Variants in ESRRG observed in about 807,000 individuals in gnomAD.
ESRRG encodes the protein estrogen-related receptor gamma.
In ESRRG, 13 loss-of-function variants were observed where a neutral mutation model predicts 44.0. The ratio of observed to expected loss-of-function variants is 0.30; its 90% CI spans 0.19 to 0.47. The LOEUF is 0.47. Among genes scored for constraint, ESRRG ranks in the 20% least tolerant of loss-of-function variants. The pLI, the probability that ESRRG is intolerant of heterozygous loss-of-function variation, is 1.00. For synonymous variants in ESRRG, 215 were observed against 214.6 expected (o/e 1.00, Z -0.02); for missense variants, 395 against 580.6 (o/e 0.68, Z 3.29).
At chr1:216,542,619 C>T (rs1416750846) in intron 5 of ESRRG, among the ~76,000 whole-genome samples, 1 of 151,976 alleles carries the variant, frequency 6.6e-6, no homozygotes, top group Non-Finnish European at 1.5e-5. Flanking sequence ...TCCTTCAAAA[C>T]TTTTTTTAAA....
intron 5 of ESRRG, among the ~76,000 whole-genome samples, chr1:216,558,748 T>G (rs1000386171): frequency 1.6e-4 from 25 of 152,322 alleles, no homozygotes; most frequent in African/African-American, 5.5e-4. Context: ...GATTTTACTT[T>G]CAGAATCATT....
intron 1 of ESRRG, among the ~76,000 whole-genome samples, chr1:216,952,920 A>G (rs1292658152): frequency 6.6e-6 from 1 of 152,002 alleles, no homozygotes; most frequent in Non-Finnish European, 1.5e-5. Flanking sequence ...ACTTCCACGA[A>G]TTCAACTGCT....
intron 1 of ESRRG, among the ~76,000 whole-genome samples, chr1:217,074,570 G>T (rs1369748019): frequency 6.6e-6 from 1 of 151,908 alleles, no homozygotes; most frequent in Non-Finnish European, 1.5e-5. Context: ...AGGTGCAGTG[G>T]CTCATGCCTG....
chr1:216,736,924 C>T (rs1165267716), intron 2 of ESRRG, among the ~76,000 whole-genome samples: 10 of 152,134 alleles, frequency 6.6e-5, no homozygotes, highest in Admixed American at 5.9e-4. Flanking sequence ...TCATCAGGAA[C>T]AGAGCTTTTA....
At chr1:216,683,869 T>C (rs12069530) in intron 1 of ESRRG, among the ~76,000 whole-genome samples, 1 of 152,182 alleles carries the variant, frequency 6.6e-6, no homozygotes, top group South Asian at 2.1e-4. Context: ...CTGGTTTTAG[T>C]AGTAAAATCC....
intron 2 of ESRRG, among the ~76,000 whole-genome samples, chr1:216,775,278 G>A (rs1360734833): frequency 6.6e-6 from 1 of 151,816 alleles, no homozygotes; most frequent in Non-Finnish European, 1.5e-5. Context: ...CTTCTTCTTG[G>A]TTTTCCCATG....
intron 2 of ESRRG, among the ~76,000 whole-genome samples, chr1:216,671,799 A>C (rs1315539833): frequency 6.6e-6 from 1 of 152,166 alleles, no homozygotes; most frequent in Non-Finnish European, 1.5e-5. Context: ...GAGGAGTTAG[A>C]ATGGCTATAT....
At chr1:216,856,220 A>G (rs960983757) in intron 2 of ESRRG, among the ~76,000 whole-genome samples, 4 of 152,152 alleles carry the variant, frequency 2.6e-5, no homozygotes, top group African/African-American at 9.7e-5. Context: ...AGTGTGTTCA[A>G]TATAAAGAAA....
intron 5 of ESRRG, among the ~76,000 whole-genome samples, chr1:216,524,250 T>TTATATATA (rs34966912): frequency 2.8e-5 from 4 of 140,760 alleles, no homozygotes; most frequent in African/African-American, 8.0e-5. Context: ...TATATGTAAG[T>TTATATATA]TATATATATA....
At chr1:216,588,007 A>G (rs1459158454) in intron 3 of ESRRG, among the ~76,000 whole-genome samples, 2 of 152,224 alleles carry the variant, frequency 1.3e-5, no homozygotes, top group African/African-American at 4.8e-5. Flanking sequence ...CAGCAACAGT[A>G]TAAATAGGAA....
At chr1:216,659,078 G>A (rs1474920778) in intron 2 of ESRRG, among the ~76,000 whole-genome samples, 1 of 152,120 alleles carries the variant, frequency 6.6e-6, no homozygotes, top group Non-Finnish European at 1.5e-5. Flanking sequence ...AACTTTGTAA[G>A]AATTATGTGA....
chr1:216,706,270 G>A (rs2082425727), intron 1 of ESRRG, among the ~76,000 whole-genome samples: 1 of 151,958 alleles, frequency 6.6e-6, no homozygotes, highest in Non-Finnish European at 1.5e-5. Flanking sequence ...GGGGTGGGGG[G>A]CTGGATAAAG....
At chr1:216,630,649 C>G (rs2063999240) in intron 3 of ESRRG, among the ~76,000 whole-genome samples, 1 of 152,160 alleles carries the variant, frequency 6.6e-6, no homozygotes, top group Non-Finnish European at 1.5e-5. Context: ...TCAATTTGTA[C>G]TACTGTTCTC....
chr1:217,019,093 C>A (rs1293367561), intron 1 of ESRRG, among the ~76,000 whole-genome samples: 1 of 152,158 alleles, frequency 6.6e-6, no homozygotes, highest in Non-Finnish European at 1.5e-5. Context: ...GTTCAGATGT[C>A]TTTTATTTCT....
chr1:217,038,896 C>T (rs1025512961), intron 1 of ESRRG, among the ~76,000 whole-genome samples: 7 of 152,202 alleles, frequency 4.6e-5, no homozygotes, highest in Admixed American at 1.3e-4. Flanking sequence ...CCTTTTAAAA[C>T]CGAATGCCTT....
At chr1:216,655,482 C>T (rs730968) in intron 2 of ESRRG, among the ~76,000 whole-genome samples, 114,554 of 152,030 alleles carry the variant, frequency 0.75, 45,178 homozygotes, top group Non-Finnish European at 0.86. Context: ...AATGACTACA[C>T]TGGGGTAAAG....
chr1:216,593,382 T>C (rs948144159), intron 3 of ESRRG, among the ~76,000 whole-genome samples: 3 of 152,230 alleles, frequency 2.0e-5, no homozygotes, highest in East Asian at 1.9e-4. Context: ...AATGGAAATA[T>C]AGGCTCATTG....
chr1:217,074,832 C>G (rs1234412864), intron 1 of ESRRG, among the ~76,000 whole-genome samples: 1 of 152,166 alleles, frequency 6.6e-6, no homozygotes, highest in Non-Finnish European at 1.5e-5. Flanking sequence ...ATCACCATCT[C>G]CCAAGTGATG....
At chr1:216,564,070 T>C (rs1334054736) in intron 5 of ESRRG, 149 bp downstream of exon 5, 9 of 462,142 alleles carry the variant, frequency 1.9e-5, no homozygotes, top group African/African-American at 6.0e-5. Context: ...TCTATTAGGA[T>C]ATGCAAAACT....
Sources: allele counts gnomAD v4.1 joint callset (sites outside exome capture counted in the v4.1 genomes callset), GRCh38; gene constraint gnomAD v4.1.1; transcripts MANE v1.5; gene names NCBI Gene and HGNC (gene_info 2026-07-23, HGNC 2026-07-21).